RANBP2: variants seen among roughly 807,000 people sequenced by gnomAD.
The protein encoded by RANBP2 is RAN binding protein 2.
Under a neutral mutation model 303.6 loss-of-function variants are expected in RANBP2, and 57 were observed. The observed-to-expected ratio is 0.19, with a 90% CI of 0.15 to 0.23. RANBP2 has a LOEUF of 0.23. RANBP2 is among the 10% of genes least tolerant of loss of function. The probability of loss-of-function intolerance (pLI) is 1.00; values close to 1 mark genes in which losing one functional copy is unlikely to be tolerated. For missense variants in RANBP2, 3,138 were observed against 3,780.8 expected (o/e 0.83, Z 4.46); for synonymous variants, 1,167 against 1,301.5 (o/e 0.90, Z 2.23).
the RANBP2 span, among the ~76,000 whole-genome samples, chr2:109,402,678 C>T: frequency 6.6e-6 from 1 of 152,340 alleles, no homozygotes; most frequent in South Asian, 2.1e-4. Context: ...AGGATGAATT[C>T]TTGGCACCTG....
At chr2:108,922,503 A>T in the RANBP2 span, among the ~76,000 whole-genome samples, 1 of 152,140 alleles carries the variant, frequency 6.6e-6, no homozygotes, top group Non-Finnish European at 1.5e-5. Flanking sequence ...CCAAAAGGAG[A>T]GAGGAGATGC....
At chr2:109,490,943 G>T in the RANBP2 span, 2 of 1,478,090 alleles carry the variant, frequency 1.4e-6, no homozygotes, top group Non-Finnish European at 1.8e-6. Flanking sequence ...AGAGGTAAGT[G>T]CAGGGGCTTG....
chr2:109,321,056 T>C, the RANBP2 span, among the ~76,000 whole-genome samples: 2 of 152,228 alleles, frequency 1.3e-5, no homozygotes, highest in Admixed American at 1.3e-4. Context: ...TGATAACTTA[T>C]AGACATGTAA....
the RANBP2 span, among the ~76,000 whole-genome samples, chr2:109,592,212 C>T: frequency 2.6e-4 from 39 of 152,146 alleles, no homozygotes; most frequent in South Asian, 7.7e-3. Flanking sequence ...CGCCTGTAAT[C>T]CTAGCACTTT....
intron 1 of RANBP2, among the ~76,000 whole-genome samples, chr2:108,722,821 G>A (rs1455374546): frequency 6.7e-6 from 1 of 149,900 alleles, no homozygotes; most frequent in Non-Finnish European, 1.5e-5. Context: ...AACCCTGGAG[G>A]CAGAGGTTGT....
At chr2:108,755,927 T>C (rs1357339084) in intron 17 of RANBP2, among the ~76,000 whole-genome samples, 2 of 152,000 alleles carry the variant, frequency 1.3e-5, no homozygotes, top group African/African-American at 4.8e-5. Flanking sequence ...TTTCACCATG[T>C]TGGCCAAGCT....
the RANBP2 span, among the ~76,000 whole-genome samples, chr2:109,354,410 A>G: frequency 6.6e-6 from 1 of 152,246 alleles, no homozygotes; most frequent in African/African-American, 2.4e-5. Context: ...CGCAGCGTTC[A>G]TGTGGCCTCC....
the RANBP2 span, among the ~76,000 whole-genome samples, chr2:109,006,119 A>G: frequency 6.6e-6 from 1 of 152,184 alleles, no homozygotes; most frequent in Non-Finnish European, 1.5e-5. Context: ...GCGGGGGAAC[A>G]ATGTGAACGC....
chr2:108,761,257 C>T (rs1239823900), intron 18 of RANBP2, among the ~76,000 whole-genome samples: 1 of 150,428 alleles, frequency 6.6e-6, no homozygotes, highest in South Asian at 2.1e-4. Context: ...TAGCTATCCT[C>T]ACCTCTGTAA....
the RANBP2 span, chr2:108,896,893 C>T: frequency 6.2e-7 from 1 of 1,607,092 alleles, no homozygotes; most frequent in Non-Finnish European, 8.5e-7. Context: ...GAGGACAGCC[C>T]ACAGGCATGC....
At chr2:109,279,022 G>C in the RANBP2 span, among the ~76,000 whole-genome samples, 1 of 152,166 alleles carries the variant, frequency 6.6e-6, no homozygotes, top group African/African-American at 2.4e-5. Context: ...ACTTGATTTT[G>C]AAGTTATCTT....
At chr2:108,869,683 A>C in the RANBP2 span, among the ~76,000 whole-genome samples, 20 of 152,148 alleles carry the variant, frequency 1.3e-4, no homozygotes, top group Non-Finnish European at 2.5e-4. Flanking sequence ...AGCCAGAGGA[A>C]ACAAGAAAAA....
chr2:109,455,809 G>T, the RANBP2 span, among the ~76,000 whole-genome samples: 1 of 152,216 alleles, frequency 6.6e-6, no homozygotes, highest in East Asian at 1.9e-4. Context: ...GTTTACCAGT[G>T]CCATTCACTT....
chr2:109,110,615 T>C, the RANBP2 span, among the ~76,000 whole-genome samples: 2 of 152,206 alleles, frequency 1.3e-5, no homozygotes, highest in African/African-American at 4.8e-5. Context: ...CTTAGAGTTG[T>C]AGGCACCTTA....
chr2:109,326,878 T>G, the RANBP2 span, among the ~76,000 whole-genome samples: 1 of 152,180 alleles, frequency 6.6e-6, no homozygotes, highest in African/African-American at 2.4e-5. Context: ...CCCCAGCAGG[T>G]GAGGGGAGAG....
chr2:109,664,901 G>T, the RANBP2 span, among the ~76,000 whole-genome samples: 1 of 150,900 alleles, frequency 6.6e-6, no homozygotes, highest in Non-Finnish European at 1.5e-5. Flanking sequence ...TTCCACTCCA[G>T]ACTGGGCAAC....
the RANBP2 span, among the ~76,000 whole-genome samples, chr2:109,447,180 G>GA: frequency 7.5e-6 from 1 of 133,598 alleles, no homozygotes; most frequent in Non-Finnish European, 1.6e-5. Context: ...AAAAGAAAAA[G>GA]AAAAAGAAAA....
the RANBP2 span, among the ~76,000 whole-genome samples, chr2:109,121,062 T>C: frequency 1.3e-5 from 2 of 152,028 alleles, no homozygotes; most frequent in African/African-American, 4.8e-5. Flanking sequence ...CTAGCTAACA[T>C]GGTGAAACCC....
chr2:109,428,127 A>G, the RANBP2 span, among the ~76,000 whole-genome samples: 3 of 152,192 alleles, frequency 2.0e-5, no homozygotes, highest in African/African-American at 7.2e-5. Context: ...GGTGAGGAGG[A>G]AGCACACGCC....
Sources: allele counts gnomAD v4.1 joint callset (sites outside exome capture counted in the v4.1 genomes callset), GRCh38; gene constraint gnomAD v4.1.1; transcripts MANE v1.5; gene names NCBI Gene and HGNC (gene_info 2026-07-23, HGNC 2026-07-21).